The following PRKN variants were observed in gnomAD, a reference collection of about 807,000 sequenced individuals.
PRKN encodes the protein parkin RBR E3 ubiquitin protein ligase, also known as E3 ubiquitin-protein ligase parkin.
A neutral mutation model predicts 59.5 loss-of-function variants in PRKN; 56 were observed. That is an observed-to-expected ratio of 0.94 (90% confidence interval 0.76 to 1.18). The LOEUF is 1.18. Ranked by LOEUF, PRKN falls within the 50% of genes most tolerant of loss-of-function variation. The probability of loss-of-function intolerance (pLI) is 0.00; values close to 1 mark genes in which losing one functional copy is unlikely to be tolerated. For synonymous variants in PRKN, 250 were observed against 222.1 expected (o/e 1.13, Z -1.12); for missense variants, 657 against 596.4 (o/e 1.10, Z -1.06).
intron 1 of PRKN, among the ~76,000 whole-genome samples, chr6:162,581,933 C>A (rs930666076): frequency 6.6e-6 from 1 of 152,166 alleles, no homozygotes; most frequent in Non-Finnish European, 1.5e-5. Context: ...AAAAACCCAA[C>A]AGGGAGAGGG....
chr6:161,715,791 G>A (rs577109723), intron 7 of PRKN, among the ~76,000 whole-genome samples: 2 of 152,226 alleles, frequency 1.3e-5, no homozygotes, highest in African/African-American at 2.4e-5. Flanking sequence ...CCCAGTCACT[G>A]GGGGGAATGA....
In PRKN at chr6:161,579,537, T is replaced by C. The variant is rs1781260107; in HGVS notation, c.872-10121A>G. Among the ~76,000 whole-genome samples, 1 of 152,234 alleles carries C rather than the reference T, an allele frequency of 6.6e-6. No homozygotes were observed. Among genetic ancestry groups the C allele is most frequent in the South Asian group, 2.1e-4 (1 of 4,838 alleles). ...TCGCCATAGAGTGTGCTCTGTAAAC[T>C]GGCCTTCCTTGTAGGGCATGTTCCT... is the stretch of plus-strand genomic sequence containing the variant. On this transcript the variant is annotated intron_variant, in intron 7 of 11. Coordinates refer to ENST00000366898, the MANE Select transcript of PRKN (RefSeq NM_004562.3). The surrounding 1 kb of genome is among the most constrained non-coding windows in gnomAD (Gnocchi z 4.2).
chr6:161,520,476 C>CCT (rs1488680988), intron 9 of PRKN, among the ~76,000 whole-genome samples: 2 of 152,050 alleles, frequency 1.3e-5, no homozygotes, highest in Non-Finnish European at 2.9e-5. Context: ...GATCCACCCA[C>CCT]CTCGGCCTTT....
At chr6:162,386,875 C>G (rs1786851922) in intron 2 of PRKN, among the ~76,000 whole-genome samples, 1 of 152,118 alleles carries the variant, frequency 6.6e-6, no homozygotes, top group African/African-American at 2.4e-5. Flanking sequence ...TAAGCAGACG[C>G]AGAAGTCACT....
At chr6:162,512,509 C>T (rs1473617036) in intron 1 of PRKN, among the ~76,000 whole-genome samples, 1 of 152,132 alleles carries the variant, frequency 6.6e-6, no homozygotes, top group Non-Finnish European at 1.5e-5. Flanking sequence ...GGTTCTCAGC[C>T]TTATTTAAGC....
chr6:162,369,372 C>T (rs968448911), intron 2 of PRKN, among the ~76,000 whole-genome samples: 25 of 152,282 alleles, frequency 1.6e-4, no homozygotes, highest in Non-Finnish European at 2.5e-4. Flanking sequence ...TATCATTCCA[C>T]CTGAGAAAAT....
chr6:161,737,595 A>G lies in PRKN; in HGVS notation c.871+48177T>C, dbSNP rs145760962. Among the ~76,000 whole-genome samples the G allele has an allele frequency of 1.5e-4, 23 of 152,312 alleles. 1 individual carries two copies. Among genetic ancestry groups the G allele is most frequent in the Middle Eastern group, 3.4e-3 (1 of 294 alleles). On this transcript the variant is annotated intron_variant, in intron 7 of 11. Coordinates refer to ENST00000366898, the MANE Select transcript of PRKN (RefSeq NM_004562.3). Reference sequence around the variant, plus strand: ...TATTAACTCAATAAAACCTTACACTAACCCTTTGAAGTAGGCTCTGTTATT... The same window carrying G: ...TATTAACTCAATAAAACCTTACACTGACCCTTTGAAGTAGGCTCTGTTATT...
chr6:161,758,390 C>T (rs549944738), intron 7 of PRKN, among the ~76,000 whole-genome samples: 1 of 152,056 alleles, frequency 6.6e-6, no homozygotes, highest in Non-Finnish European at 1.5e-5. Context: ...CACAATTCAG[C>T]AGTAGAAAGG....
chr6:162,339,982 T>A (rs534319491), intron 2 of PRKN, among the ~76,000 whole-genome samples: 1 of 147,680 alleles, frequency 6.8e-6, no homozygotes, highest in Admixed American at 6.8e-5. Flanking sequence ...TCTCAAGTAA[T>A]CAGGGACACA....
intron 7 of PRKN, among the ~76,000 whole-genome samples, chr6:161,616,707 C>T (rs1329303780): frequency 1.3e-5 from 2 of 152,042 alleles, no homozygotes; most frequent in African/African-American, 4.8e-5. Flanking sequence ...TGATGGTTTC[C>T]AGCTTCATCC....
chr6:161,397,158 A>C lies in PRKN; in HGVS notation c.1084-10281T>G, dbSNP rs577298710. On this transcript the variant is annotated intron_variant, in intron 9 of 11. Transcript: ENST00000366898. The surrounding 1 kb of genome is among the most constrained non-coding windows in gnomAD (Gnocchi z 4.2). ...CACCTATCTCCTCTTCTAAAGGGAT[A>C]GGATTTGTATCTTATTCATCTTTGT... Among the ~76,000 whole-genome samples the C allele has an allele frequency of 1.3e-5, 2 of 152,304 alleles. No homozygotes were observed. Among genetic ancestry groups the C allele is most frequent in the African/African-American group, 4.8e-5 (2 of 41,550 alleles).
At chr6:162,612,469 A>C (rs1166912723) in intron 1 of PRKN, among the ~76,000 whole-genome samples, 5 of 151,340 alleles carry the variant, frequency 3.3e-5, no homozygotes, top group Non-Finnish European at 1.5e-5. Flanking sequence ...GCGGTATTGA[A>C]CCAGATTTCT....
chr6:161,690,837 T>C (rs1785754635), intron 7 of PRKN, among the ~76,000 whole-genome samples: 1 of 152,206 alleles, frequency 6.6e-6, no homozygotes, highest in Admixed American at 6.5e-5. Flanking sequence ...TCAGCAGCTT[T>C]CGTATGACTC....
chr6:162,073,921 T>G (rs935731769), intron 4 of PRKN, among the ~76,000 whole-genome samples: 7 of 151,972 alleles, frequency 4.6e-5, no homozygotes, highest in Non-Finnish European at 1.0e-4. Context: ...CAAATCAAAA[T>G]CACAATGAGA....
At chr6:161,406,210 A>G (rs1787269322) in intron 9 of PRKN, among the ~76,000 whole-genome samples, 1 of 141,738 alleles carries the variant, frequency 7.1e-6, no homozygotes, top group African/African-American at 2.7e-5. Context: ...ACATATACAC[A>G]TATATACATA....
In PRKN at chr6:162,332,194, T is replaced by A. The variant is rs144046704; in HGVS notation, c.172-69429A>T. On this transcript the variant is annotated intron_variant, in intron 2 of 11. Transcript: ENST00000366898. ...AAAATTTCACATACAAGATTTCACA[T>A]ACAATTCCAAATTATTAATTCCTCT... Among the ~76,000 whole-genome samples, 654 of 152,298 alleles carry A rather than the reference T, an allele frequency of 4.3e-3. 5 individuals carry two copies. Among genetic ancestry groups the A allele is most frequent in the African/African-American group, 0.015 (615 of 41,578 alleles).
intron 1 of PRKN, among the ~76,000 whole-genome samples, chr6:162,631,707 G>T (rs986915352): frequency 6.6e-6 from 1 of 151,982 alleles, no homozygotes; most frequent in East Asian, 1.9e-4. Context: ...AGTCCCACTT[G>T]TTTATTTTTG....
intron 1 of PRKN, among the ~76,000 whole-genome samples, chr6:162,592,116 T>C (rs9364663): frequency 0.33 from 49,664 of 151,958 alleles, 8,350 homozygotes; most frequent in East Asian, 0.51. Context: ...TCTCCTGCCT[T>C]GGCCTCCCGA....
At chr6:161,490,316 GCTT>G (rs1777502072) in intron 9 of PRKN, among the ~76,000 whole-genome samples, 1 of 25,866 alleles carries the variant, frequency 3.9e-5, no homozygotes, top group Non-Finnish European at 1.6e-4. Flanking sequence ...TTTCTTGCTT[GCTT>G]GCTTGCTTGC....
Sources: allele counts gnomAD v4.1 joint callset (sites outside exome capture counted in the v4.1 genomes callset), GRCh38; gene constraint gnomAD v4.1.1; non-coding constraint Gnocchi (gnomAD v3.1); transcripts MANE v1.5; gene names NCBI Gene and HGNC (gene_info 2026-07-23, HGNC 2026-07-21).